Variants in METTL25 observed in about 807,000 individuals in gnomAD.
METTL25 encodes the protein probable methyltransferase-like protein 25.
In METTL25, 64 loss-of-function variants were observed where a neutral mutation model predicts 71.6. The observed-to-expected ratio is 0.89, with a 90% confidence interval of 0.73 to 1.10. METTL25 has a LOEUF of 1.10. Ranked by LOEUF, METTL25 falls within the 50% of genes least tolerant of loss-of-function variation. The probability of loss-of-function intolerance (pLI) is 0.00; values close to 1 mark genes in which losing one functional copy is unlikely to be tolerated. For missense variants in METTL25, 807 were observed against 707.0 expected, an observed-to-expected ratio of 1.14 and a Z score of -1.60; for synonymous variants, 287 against 250.3, an observed-to-expected ratio of 1.15 and a Z score of -1.38.
intron 4 of METTL25, among the ~76,000 whole-genome samples, chr12:82,400,815 A>C (rs1020487395): frequency 2.0e-5 from 3 of 152,136 alleles, no homozygotes; most frequent in Admixed American, 1.3e-4. Flanking sequence ...TACTAGTAGG[A>C]TAATATGGTG....
intron 2 of METTL25, among the ~76,000 whole-genome samples, chr12:82,387,638 T>C (rs535220142): frequency 2.0e-5 from 3 of 152,144 alleles, no homozygotes; most frequent in Admixed American, 2.0e-4. Context: ...CAATAGACCC[T>C]GTATACTTTT....
At chr12:82,415,190 A>G (rs2401026) in intron 5 of METTL25, among the ~76,000 whole-genome samples, 140,105 of 152,114 alleles carry the variant, frequency 0.92, 64,883 homozygotes, top group East Asian at 1. Flanking sequence ...ATTCATTAAT[A>G]AAAAATGTTT....
rs189188329 is a variant in METTL25 at position 82,444,605 on chromosome 12, G to A, written c.1478+5814G>A. On this transcript the variant is annotated intron_variant, in intron 8 of 11. Transcript: ENST00000248306. ...AAATAATAATCATAACATTTGTTAA[G>A]AGATAGGCATAAAAAAGTAAACAGA... Among the ~76,000 whole-genome samples, 265 of 152,238 alleles carry A rather than the reference G, an allele frequency of 1.7e-3. 1 individual carries two copies. The highest frequency in any genetic ancestry group is 6.8e-3 in the Middle Eastern group (2 of 294).
intron 8 of METTL25, among the ~76,000 whole-genome samples, chr12:82,452,794 T>G (rs1488914123): frequency 2.0e-5 from 3 of 152,174 alleles, no homozygotes; most frequent in Non-Finnish European, 4.4e-5. Flanking sequence ...ATATTTCTGT[T>G]TTCTGAAAAA....
At chr12:82,462,026 T>C (rs1050404243) in intron 9 of METTL25, among the ~76,000 whole-genome samples, 1 of 152,236 alleles carries the variant, frequency 6.6e-6, no homozygotes, top group Non-Finnish European at 1.5e-5. Context: ...CACAGCTTAA[T>C]TCATGCTAGT....
chr12:82,368,685 C>T (rs900758206), intron 1 of METTL25, among the ~76,000 whole-genome samples: 4 of 152,150 alleles, frequency 2.6e-5, no homozygotes, highest in African/African-American at 4.8e-5. Context: ...GGGTTTCTTC[C>T]AGTTCTCAAA....
chr12:82,392,196 C>A (rs1475770922), intron 3 of METTL25, among the ~76,000 whole-genome samples: 2 of 150,600 alleles, frequency 1.3e-5, no homozygotes, highest in Non-Finnish European at 1.5e-5. Context: ...TGCTGGTGCG[C>A]TGCACCCACT....
In METTL25 at chr12:82,363,209, C is replaced by T. The variant is rs146888656; in HGVS notation, c.259+4385C>T. On this transcript the variant is annotated intron_variant, in intron 1 of 11. Coordinates refer to ENST00000248306, the MANE Select transcript of METTL25 (RefSeq NM_032230.3). ...CACATGCCTGGGAGACCTAGAGATC[C>T]TAGCAGAAACACTGGCAAAAAACTT... 3.8e-3 allele frequency among the ~76,000 whole-genome samples: 575 copies of T among 152,282 alleles called. 2 individuals are homozygous for T. The highest frequency in any genetic ancestry group is 0.013 in the African/African-American group (533 of 41,548).
chr12:82,461,257 T>C (rs1426707672), intron 9 of METTL25, among the ~76,000 whole-genome samples: 1 of 152,242 alleles, frequency 6.6e-6, no homozygotes, highest in Non-Finnish European at 1.5e-5. Flanking sequence ...AAAACTGTTA[T>C]ATATTTATTT....
chr12:82,359,390 G>A lies in METTL25; in HGVS notation c.259+566G>A, dbSNP rs145826106. Among the ~76,000 whole-genome samples the A allele has an allele frequency of 6.9e-3, 1,047 of 152,238 alleles. 5 individuals carry two copies. Among genetic ancestry groups the A allele is most frequent in the Non-Finnish European group, 0.011 (720 of 68,002 alleles). On this transcript the variant is annotated intron_variant, in intron 1 of 11. Transcript: ENST00000248306. ...AGGTGAGGGGCTGCAGGTGCAGGAC[G>A]GGAGGCAAGCAGAGGCCAGATGGCA...
chr12:82,431,087 A>G, intron 6 of METTL25, 100 bp downstream of exon 6: 1 of 628,332 alleles, frequency 1.6e-6, no homozygotes, highest in East Asian at 2.8e-5. Flanking sequence ...ATTTTGCAGA[A>G]CATCCCATTA....
At chr12:82,383,817 C>T (rs1257240622) in intron 1 of METTL25, among the ~76,000 whole-genome samples, 1 of 152,026 alleles carries the variant, frequency 6.6e-6, no homozygotes, top group Non-Finnish European at 1.5e-5. Flanking sequence ...ATATATGACT[C>T]TTCTATCTTT....
chr12:82,434,681 T>A lies in METTL25; in HGVS notation c.1375-14T>A. 6.2e-7 allele frequency: 1 copy of A among 1,608,640 alleles called. No individual in the cohort carries two copies. Among genetic ancestry groups the A allele is most frequent in the Non-Finnish European group, 8.5e-7 (1 of 1,176,188 alleles). ...CAATATATCAACAATCTGTCTTGTT[T>A]TTTTCCCTTTAAGGCATTGGAGCGG... On this transcript the variant is annotated splice_polypyrimidine_tract_variant and intron_variant, in intron 6 of 11. Transcript: ENST00000248306.
intron 9 of METTL25, chr12:82,476,390 T>C (rs1892879250): frequency 2.9e-6 from 1 of 345,040 alleles, no homozygotes; most frequent in South Asian, 6.1e-5. Context: ...TTCTTAGTTG[T>C]TGAAATTAAA....
At chr12:82,405,554 C>T (rs781561892) in intron 5 of METTL25, among the ~76,000 whole-genome samples, 14 of 152,080 alleles carry the variant, frequency 9.2e-5, no homozygotes, top group Non-Finnish European at 1.8e-4. Flanking sequence ...TTAGTTACTC[C>T]TTGCTAATCC....
intron 1 of METTL25, among the ~76,000 whole-genome samples, chr12:82,362,306 G>A (rs964353532): frequency 1.2e-4 from 18 of 152,158 alleles, no homozygotes; most frequent in Non-Finnish European, 2.5e-4. Context: ...CAGACTTCCT[G>A]GGGTCAAATA....
chr12:82,381,890 A>G, intron 1 of METTL25, among the ~76,000 whole-genome samples: 1 of 152,232 alleles, frequency 6.6e-6, no homozygotes, highest in East Asian at 1.9e-4. Flanking sequence ...AAAATCAACT[A>G]TGAAGCTATG....
intron 5 of METTL25, among the ~76,000 whole-genome samples, chr12:82,428,265 C>G (rs1889200328): frequency 6.6e-6 from 1 of 151,768 alleles, no homozygotes; most frequent in South Asian, 2.1e-4. Flanking sequence ...ATTGCAGCCT[C>G]TAGTCTCAGC....
intron 4 of METTL25, among the ~76,000 whole-genome samples, chr12:82,401,362 GAT>G (rs1325228305): frequency 6.6e-6 from 1 of 151,994 alleles, no homozygotes; most frequent in African/African-American, 2.4e-5. Flanking sequence ...AAATTACAAT[GAT>G]AAAAAAATGG....
Sources: gnomAD v4.1 joint callset for allele counts (sites outside exome capture counted in the v4.1 genomes callset) on GRCh38, gnomAD v4.1.1 for gene constraint, MANE v1.5 for transcripts, NCBI Gene and HGNC (gene_info 2026-07-23, HGNC 2026-07-21) for gene names.